Variants in ANK2 observed in about 807,000 individuals in gnomAD.
The protein encoded by ANK2 is ankyrin 2.
A neutral mutation model predicts 360.5 loss-of-function variants in ANK2; 83 were observed. The ratio of observed to expected loss-of-function variants is 0.23; its 90% CI spans 0.19 to 0.28. The LOEUF is 0.28. ANK2 is among the 10% of genes least tolerant of loss of function. The pLI, the probability that ANK2 is intolerant of heterozygous loss-of-function variation, is 1.00. For missense variants in ANK2, 4,201 were observed against 4,795.7 expected, an observed-to-expected ratio of 0.88 and a Z score of 3.66; for synonymous variants, 1,740 against 1,759.5, an observed-to-expected ratio of 0.99 and a Z score of 0.28.
At chr4:113,046,786 T>C (rs17045462), upstream of ANK2, among the ~76,000 whole-genome samples, 12,985 of 152,204 alleles carry the variant, frequency 0.085, 605 homozygotes, top group African/African-American at 0.12. Flanking sequence ...ACTGTCAAAT[T>C]GAGAAGCCAA....
rs1468490475 is a variant in ANK2, at chr4:113,383,491, A to T, written c.*2020A>T. 2 of 152,696 alleles carry T rather than the reference A, an allele frequency of 1.3e-5. No homozygotes were observed. The highest frequency in any genetic ancestry group is 1.9e-4 in the East Asian group (1 of 5,204). The allele number at this position is 152,696 out of a possible 1,614,324, so 9.5% of individuals were successfully genotyped here. A position where few individuals can be genotyped will look rare whatever the true frequency, so the allele number is the denominator to read the frequency against. ...GTGCAGATGATGTCTGTGTAACAAC[A>T]TAATGGTTATTCACCTTTTTTTGAT... is the stretch of plus-strand genomic sequence containing the variant. On this transcript the variant is annotated 3_prime_UTR_variant, in exon 46 of 46. Transcript: ENST00000357077.
At chr4:113,096,407 T>C (rs1452339747) in intron 1 of ANK2, among the ~76,000 whole-genome samples, 1 of 152,180 alleles carries the variant, frequency 6.6e-6, no homozygotes, top group African/African-American at 2.4e-5. Context: ...AGGCGCTCCA[T>C]GGGCTCAGGA....
At chr4:112,991,169 AC>A (rs2154278507) in intron 2 of ANK2, among the ~76,000 whole-genome samples, 1 of 147,612 alleles carries the variant, frequency 6.8e-6, no homozygotes, top group East Asian at 2.0e-4. Context: ...AATTGCTTGA[AC>A]CCAGGAGGCA....
At chr4:113,276,329 T>A (rs1254952747) in intron 15 of ANK2, among the ~76,000 whole-genome samples, 1 of 152,172 alleles carries the variant, frequency 6.6e-6, no homozygotes, top group Non-Finnish European at 1.5e-5. Context: ...AATGAAATCT[T>A]GGTGAGATTA....
At chr4:113,359,880 A>G (rs1246436628) in intron 38 of ANK2, among the ~76,000 whole-genome samples, 1 of 152,220 alleles carries the variant, frequency 6.6e-6, no homozygotes, top group Non-Finnish European at 1.5e-5. Flanking sequence ...AGGTAAAAAT[A>G]TGCTTTTCAT....
At chr4:112,900,338 C>T (rs1445578918) in intron 1 of ANK2, among the ~76,000 whole-genome samples, 1 of 152,150 alleles carries the variant, frequency 6.6e-6, no homozygotes, top group Non-Finnish European at 1.5e-5. Context: ...CTGATTGTCT[C>T]CTATCTCAAA....
the ANK2 span, chr4:112,798,172 A>T: frequency 6.5e-6 from 1 of 153,228 alleles, no homozygotes; most frequent in Non-Finnish European, 1.5e-5. Context: ...GGCCGAGGAA[A>T]CTTGAGTCAT....
At chr4:113,234,989 G>T (rs2153547310) in intron 5 of ANK2, among the ~76,000 whole-genome samples, 1 of 152,186 alleles carries the variant, frequency 6.6e-6, no homozygotes, top group East Asian at 1.9e-4. Flanking sequence ...TAAATACTAA[G>T]AAGGGAGTTC....
At chr4:113,326,389 G>T (rs776972379) in intron 26 of ANK2, among the ~76,000 whole-genome samples, 1 of 152,090 alleles carries the variant, frequency 6.6e-6, no homozygotes, top group Non-Finnish European at 1.5e-5. Context: ...TTAAAGAAAA[G>T]ACTTCTTTTA....
At chr4:113,289,614 A>G (rs1004221813) in intron 20 of ANK2, among the ~76,000 whole-genome samples, 1 of 152,236 alleles carries the variant, frequency 6.6e-6, no homozygotes, top group African/African-American at 2.4e-5. Context: ...AATTAAAAAT[A>G]TACAGAAGTT....
chr4:112,977,503 A>G (rs1027068754), intron 2 of ANK2, among the ~76,000 whole-genome samples: 2 of 151,804 alleles, frequency 1.3e-5, no homozygotes, highest in African/African-American at 4.8e-5. Flanking sequence ...CCTTTACTCA[A>G]TTCTCCTTTA....
chr4:112,924,652 C>T (rs1177537589), intron 2 of ANK2, among the ~76,000 whole-genome samples: 1 of 151,572 alleles, frequency 6.6e-6, no homozygotes, highest in Non-Finnish European at 1.5e-5. Flanking sequence ...GAAAAAAGTC[C>T]ACTACCAATA....
At chr4:113,096,015 A>G (rs1249041871) in intron 1 of ANK2, among the ~76,000 whole-genome samples, 1 of 152,134 alleles carries the variant, frequency 6.6e-6, no homozygotes, top group Non-Finnish European at 1.5e-5. Flanking sequence ...TGGTGCTCTG[A>G]TGAGGGGCTG....
At chr4:113,234,665 G>T (rs113901121) in intron 5 of ANK2, among the ~76,000 whole-genome samples, 44 of 152,266 alleles carry the variant, frequency 2.9e-4, no homozygotes, top group Middle Eastern at 6.8e-3. Context: ...GAAGGGACTT[G>T]CCCTGAGCTG....
At chr4:113,351,324 G>A (rs1173587597) in intron 37 of ANK2, among the ~76,000 whole-genome samples, 2 of 152,058 alleles carry the variant, frequency 1.3e-5, no homozygotes, top group Non-Finnish European at 2.9e-5. Flanking sequence ...CTAGGACAAT[G>A]TAATTTACTA....
intron 2 of ANK2, among the ~76,000 whole-genome samples, chr4:113,040,353 T>A (rs1438282431): frequency 4.6e-5 from 7 of 152,108 alleles, no homozygotes; most frequent in Admixed American, 2.0e-4. Flanking sequence ...GGTGTTAAAA[T>A]TGTATGTTAT....
chr4:113,212,409 C>G (rs940925918), intron 4 of ANK2, among the ~76,000 whole-genome samples: 1 of 152,090 alleles, frequency 6.6e-6, no homozygotes, highest in Non-Finnish European at 1.5e-5. Context: ...CTATTAATAC[C>G]TATCTATGTG....
intron 2 of ANK2, among the ~76,000 whole-genome samples, chr4:112,939,926 T>C (rs896848539): frequency 4.6e-5 from 7 of 152,268 alleles, no homozygotes; most frequent in African/African-American, 1.7e-4. Context: ...TGCTTTCAGT[T>C]ATTAACAAAA....
chr4:112,927,584 G>GA (rs1209110839), intron 2 of ANK2, among the ~76,000 whole-genome samples: 1 of 152,082 alleles, frequency 6.6e-6, no homozygotes, highest in Non-Finnish European at 1.5e-5. Flanking sequence ...CTAAAAAACA[G>GA]AAAAAATTGG....
Sources: allele counts gnomAD v4.1 joint callset (sites outside exome capture counted in the v4.1 genomes callset), GRCh38; gene constraint gnomAD v4.1.1; transcripts MANE v1.5; gene names NCBI Gene and HGNC (gene_info 2026-07-23, HGNC 2026-07-21).